RERE: variants seen among roughly 807,000 people sequenced by gnomAD.
The protein encoded by RERE is arginine-glutamic acid dipeptide repeats.
In RERE, 40 loss-of-function variants were observed where a neutral mutation model predicts 146.1. The observed-to-expected ratio is 0.27, with a 90% CI of 0.21 to 0.36. The LOEUF is 0.36. Ranked by LOEUF, RERE falls within the 10% of genes least tolerant of loss-of-function variation. The pLI is 1.00. For missense variants in RERE, 1,933 were observed against 2,138.7 expected, an observed-to-expected ratio of 0.90 and a Z score of 1.90; for synonymous variants, 1,003 against 866.0, an observed-to-expected ratio of 1.16 and a Z score of -2.78.
intron 1 of RERE, among the ~76,000 whole-genome samples, chr1:8,757,610 G>A (rs887310910): frequency 1.4e-5 from 2 of 145,338 alleles, no homozygotes; most frequent in East Asian, 3.9e-4. Context: ...TCCCACAGCT[G>A]ATAGAACATT....
At chr1:8,795,982 C>CAAAAAAAAAAAAAAAAAAAAAAAAAAA (rs556814425) in intron 1 of RERE, among the ~76,000 whole-genome samples, 1 of 30,020 alleles carries the variant, frequency 3.3e-5, no homozygotes, top group African/African-American at 1.2e-4. Flanking sequence ...AACTCCGTCT[C>CAAAAAAAAAAAAAAAAAAAAAAAAAAA]AAAAAAAAAA....
chr1:8,650,493 T>C (rs1647558807), intron 2 of RERE, among the ~76,000 whole-genome samples: 2 of 152,220 alleles, frequency 1.3e-5, no homozygotes, highest in South Asian at 4.1e-4. Context: ...TTGGAAGCGG[T>C]GGTTCACGTC....
chr1:8,374,786 C>CGTGAG (rs1553158066), intron 12 of RERE, among the ~76,000 whole-genome samples: 1 of 152,238 alleles, frequency 6.6e-6, no homozygotes, highest in Non-Finnish European at 1.5e-5. Flanking sequence ...CCCCGCCTCA[C>CGTGAG]GGCCTTTGGC....
At chr1:8,614,331 C>T (rs1476234542) in intron 4 of RERE, among the ~76,000 whole-genome samples, 2 of 152,106 alleles carry the variant, frequency 1.3e-5, no homozygotes, top group Non-Finnish European at 2.9e-5. Context: ...ATGCTCTCTG[C>T]TGGTGCCAAA....
intron 1 of RERE, among the ~76,000 whole-genome samples, chr1:8,670,118 C>T (rs1279368350): frequency 6.6e-6 from 1 of 152,176 alleles, no homozygotes; most frequent in African/African-American, 2.4e-5. Context: ...GCCATTCTAA[C>T]TGGGTGTGAT....
intron 12 of RERE, among the ~76,000 whole-genome samples, chr1:8,420,746 G>C (rs1055462555): frequency 6.6e-6 from 1 of 152,236 alleles, no homozygotes; most frequent in Non-Finnish European, 1.5e-5. Flanking sequence ...GGGTGCTAGA[G>C]AAGGGAGAAG....
intron 7 of RERE, among the ~76,000 whole-genome samples, chr1:8,509,485 C>T (rs1645303153): frequency 6.6e-6 from 1 of 152,106 alleles, no homozygotes; most frequent in Non-Finnish European, 1.5e-5. Flanking sequence ...CTACTATAAG[C>T]CAGGAATTGT....
At chr1:8,694,683 C>T (rs1007419437) in intron 1 of RERE, among the ~76,000 whole-genome samples, 2 of 151,720 alleles carry the variant, frequency 1.3e-5, no homozygotes, top group Non-Finnish European at 2.9e-5. Flanking sequence ...CATTTAAACC[C>T]GGGAGGCAGA....
At chr1:8,531,072 A>AT (rs1557675122) in intron 7 of RERE, among the ~76,000 whole-genome samples, 49 of 130,970 alleles carry the variant, frequency 3.7e-4, no homozygotes, top group African/African-American at 9.6e-4. Context: ...TATCTATCTA[A>AT]CTTTCTATCT....
Position 8,561,409 on chromosome 1 carries a change from G to A in RERE, c.523-3886C>T, listed in dbSNP as rs1379909159. 6.6e-5 allele frequency among the ~76,000 whole-genome samples: 10 copies of A among 152,126 alleles called. No homozygotes were observed. The East Asian group carries it at 1.9e-3, about 29-fold the overall frequency. On this transcript the variant is annotated intron_variant, in intron 4 of 22. Transcript: ENST00000400908. ...TAAAAATGAAAAGTCCATAAAGGGAGGCAGTGTGTGGTTTCAGCAGTACTA... is the reference window on the plus strand; with the variant it reads ...TAAAAATGAAAAGTCCATAAAGGGAAGCAGTGTGTGGTTTCAGCAGTACTA...
intron 7 of RERE, among the ~76,000 whole-genome samples, chr1:8,516,794 A>T (rs1645425457): frequency 6.6e-6 from 1 of 152,244 alleles, no homozygotes; most frequent in Admixed American, 6.5e-5. Context: ...CCCAAGCAAG[A>T]CAAAATGATC....
At chr1:8,716,159 A>AG (rs1375414579) in intron 1 of RERE, among the ~76,000 whole-genome samples, 1 of 151,672 alleles carries the variant, frequency 6.6e-6, no homozygotes, top group Non-Finnish European at 1.5e-5. Flanking sequence ...GAAAAAAAAA[A>AG]GACAAAAAGA....
rs139716612 is a variant in RERE at position 8,538,076 on chromosome 1, A to G, written c.830+3138T>C. On this transcript the variant is annotated intron_variant, in intron 7 of 22. Coordinates refer to ENST00000400908, the MANE Select transcript of RERE (RefSeq NM_001042681.2). ...TCAACTGCTCACTTAAAGTTCCTGC[A>G]TTATTTAAGGAGACAACAGTCATGA... Among the ~76,000 whole-genome samples the G allele has an allele frequency of 9.1e-4, 139 of 152,366 alleles. 3 individuals carry two copies. The East Asian group carries it at 0.024, about 27-fold the overall frequency.
At chr1:8,758,944 A>G (rs1242783437) in intron 1 of RERE, among the ~76,000 whole-genome samples, 2 of 152,176 alleles carry the variant, frequency 1.3e-5, no homozygotes, top group Non-Finnish European at 2.9e-5. Context: ...ATACACAATA[A>G]ATGTGTACAA....
chr1:8,664,086 A>G (rs1638517274), intron 1 of RERE, among the ~76,000 whole-genome samples: 1 of 152,202 alleles, frequency 6.6e-6, no homozygotes, highest in Non-Finnish European at 1.5e-5. Flanking sequence ...CAAAGTCCAC[A>G]AAGGCAAGGA....
chr1:8,791,324 A>G (rs1401092836), intron 1 of RERE, among the ~76,000 whole-genome samples: 1 of 152,152 alleles, frequency 6.6e-6, no homozygotes, highest in Non-Finnish European at 1.5e-5. Flanking sequence ...TACTATTACT[A>G]CAGTTCTTTC....
rs745905637 is a variant in RERE, at chr1:8,701,287, T to TACACACAC, written c.-144-44854_-144-44847dup. 5.0e-3 allele frequency among the ~76,000 whole-genome samples: 467 copies of TACACACAC among 93,700 alleles called. 9 individuals carry two copies. Among genetic ancestry groups the TACACACAC allele is most frequent in the South Asian group, 0.043 (143 of 3,328 alleles). The allele number at this position is 93,700 out of a possible 152,430, so 61.5% of individuals were successfully genotyped here. A position where few individuals can be genotyped will look rare whatever the true frequency, so the allele number is the denominator to read the frequency against. On this transcript the variant is annotated intron_variant, in intron 1 of 22. Transcript: ENST00000400908. The stretch of plus-strand genomic sequence containing the variant: ...GGCACCGGGATGGGGGTGAGGGGAA[T>TACACACAC]ACACACACACACACACACACACACA...
chr1:8,388,493 G>C (rs1642763361), intron 12 of RERE, among the ~76,000 whole-genome samples: 2 of 152,030 alleles, frequency 1.3e-5, no homozygotes, highest in South Asian at 2.1e-4. Flanking sequence ...CTAATTTTTT[G>C]TATTTTTAGT....
At chr1:8,810,439 C>G (rs904972401) in intron 1 of RERE, among the ~76,000 whole-genome samples, 1 of 152,150 alleles carries the variant, frequency 6.6e-6, no homozygotes, top group South Asian at 2.1e-4. Flanking sequence ...AACTCTGTCT[C>G]TATAAAAAAT....
Sources: gnomAD v4.1 joint callset for allele counts (sites outside exome capture counted in the v4.1 genomes callset) on GRCh38, gnomAD v4.1.1 for gene constraint, MANE v1.5 for transcripts, NCBI Gene and HGNC (gene_info 2026-07-23, HGNC 2026-07-21) for gene names.